Variants in ELAVL2 observed in about 807,000 individuals in gnomAD.
ELAVL2 encodes the protein ELAV like RNA binding protein 2.
Under a neutral mutation model 34.6 loss-of-function variants are expected in ELAVL2, and 4 were observed. The ratio of observed to expected loss-of-function variants is 0.12; its 90% CI spans 0.06 to 0.26. The LOEUF (loss-of-function observed/expected upper bound fraction) is 0.26. ELAVL2 is among the 10% of genes least tolerant of loss of function. The probability of loss-of-function intolerance (pLI) is 1.00; values close to 1 mark genes in which losing one functional copy is unlikely to be tolerated. For missense variants in ELAVL2, 432 were observed against 442.8 expected, an observed-to-expected ratio of 0.98 and a Z score of 0.22; for synonymous variants, 193 against 154.8, an observed-to-expected ratio of 1.25 and a Z score of -1.83.
At chr9:23,807,825 T>G (rs200689001) in intron 1 of ELAVL2, among the ~76,000 whole-genome samples, 1 of 152,192 alleles carries the variant, frequency 6.6e-6, no homozygotes, top group Non-Finnish European at 1.5e-5. Context: ...AAACAAATAC[T>G]GATAATATTT....
chr9:23,804,670 C>CA (rs1030527168), intron 1 of ELAVL2, among the ~76,000 whole-genome samples: 5 of 151,720 alleles, frequency 3.3e-5, no homozygotes, highest in East Asian at 1.9e-4. Context: ...TAGTCACTGC[C>CA]AAAAAAAACT....
intron 1 of ELAVL2, among the ~76,000 whole-genome samples, chr9:23,816,621 T>A (rs1164571847): frequency 1.3e-5 from 2 of 152,178 alleles, no homozygotes; most frequent in African/African-American, 4.8e-5. Context: ...TTTTCAACTG[T>A]ATGGTGATAT....
the ELAVL2 span, among the ~76,000 whole-genome samples, chr9:23,849,259 G>C: frequency 6.6e-6 from 1 of 152,192 alleles, no homozygotes; most frequent in African/African-American, 2.4e-5. Flanking sequence ...GGGATGAATG[G>C]GAAGAGGGAG....
chr9:23,761,133 C>A (rs1490914337), intron 2 of ELAVL2, among the ~76,000 whole-genome samples: 2 of 151,996 alleles, frequency 1.3e-5, no homozygotes, highest in East Asian at 1.9e-4. Context: ...TTCAAATATT[C>A]CATTTTATAT....
intron 3 of ELAVL2, among the ~76,000 whole-genome samples, chr9:23,721,320 A>C (rs2043653326): frequency 1.3e-5 from 2 of 152,094 alleles, no homozygotes; most frequent in African/African-American, 2.4e-5. Flanking sequence ...TCTCTCAATG[A>C]CTCTTTCTAG....
At chr9:23,704,544 A>G (rs2038659702) in intron 4 of ELAVL2, among the ~76,000 whole-genome samples, 1 of 151,904 alleles carries the variant, frequency 6.6e-6, no homozygotes, top group Non-Finnish European at 1.5e-5. Context: ...AACTAGCTGC[A>G]TACCGCTGCA....
At chr9:23,796,270 G>T (rs184269559) in intron 1 of ELAVL2, among the ~76,000 whole-genome samples, 2 of 152,290 alleles carry the variant, frequency 1.3e-5, no homozygotes, top group Admixed American at 6.5e-5. Flanking sequence ...AAATGTGGAA[G>T]CTTATTACAT....
intron 2 of ELAVL2, among the ~76,000 whole-genome samples, chr9:23,753,345 T>C (rs76866460): frequency 0.01 from 1,573 of 152,210 alleles, 33 homozygotes; most frequent in African/African-American, 0.036. Flanking sequence ...TCAACTATTC[T>C]GTTCAGGAAT....
chr9:23,766,246 C>G (rs555192972), intron 1 of ELAVL2, among the ~76,000 whole-genome samples: 1 of 152,270 alleles, frequency 6.6e-6, no homozygotes, highest in South Asian at 2.1e-4. Context: ...ATATTTTACT[C>G]TTCTTCCGTT....
intron 2 of ELAVL2, among the ~76,000 whole-genome samples, chr9:23,748,474 G>T (rs975249610): frequency 2.0e-5 from 3 of 152,086 alleles, no homozygotes; most frequent in Non-Finnish European, 4.4e-5. Flanking sequence ...AAAACTACTT[G>T]GGTTCTTCTT....
chr9:23,797,039 T>A (rs950536343), intron 1 of ELAVL2, among the ~76,000 whole-genome samples: 3 of 152,164 alleles, frequency 2.0e-5, no homozygotes, highest in Admixed American at 6.5e-5. Flanking sequence ...CCAATTTAGC[T>A]AAATGGACAC....
At chr9:23,796,978 G>T (rs2061007656) in intron 1 of ELAVL2, among the ~76,000 whole-genome samples, 1 of 150,828 alleles carries the variant, frequency 6.6e-6, no homozygotes, top group African/African-American at 2.4e-5. Flanking sequence ...AGGGACAATG[G>T]ACTGCAAAGC....
intron 1 of ELAVL2, among the ~76,000 whole-genome samples, chr9:23,825,143 A>T (rs2065218278): frequency 1.3e-5 from 2 of 152,204 alleles, no homozygotes; most frequent in African/African-American, 2.4e-5. Context: ...TTAAAACTGA[A>T]TTATGATAAT....
chr9:23,706,747 T>C lies in ELAVL2; in HGVS notation c.334-1676A>G, dbSNP rs114062226. On this transcript the variant is annotated intron_variant, in intron 3 of 6. Coordinates refer to ENST00000397312, the MANE Select transcript of ELAVL2 (RefSeq NM_004432.5). ...CTTTAATCCAGTTAACAACAAACTT[T>C]CCCAATTTACACTAATACTTAAATA... Among the ~76,000 whole-genome samples the C allele has an allele frequency of 3.7e-3, 564 of 152,306 alleles. 3 individuals are homozygous for C. Among genetic ancestry groups the C allele is most frequent in the African/African-American group, 0.013 (547 of 41,558 alleles).
chr9:23,718,844 G>A (rs2042955755), intron 3 of ELAVL2, among the ~76,000 whole-genome samples: 1 of 152,052 alleles, frequency 6.6e-6, no homozygotes, highest in Non-Finnish European at 1.5e-5. Flanking sequence ...GAACTGATTT[G>A]CAAGACTAAT....
chr9:23,702,964 A>AAAAAAAAC, intron 4 of ELAVL2, among the ~76,000 whole-genome samples: 1 of 141,672 alleles, frequency 7.1e-6, no homozygotes, highest in Non-Finnish European at 1.5e-5. Context: ...AAAAAAAAAA[A>AAAAAAAAC]AAAAAAAAAA....
chr9:23,705,544 T>C (rs530946111), intron 3 of ELAVL2, among the ~76,000 whole-genome samples: 1 of 152,332 alleles, frequency 6.6e-6, no homozygotes, highest in South Asian at 2.1e-4. Context: ...CTGTCTTCTG[T>C]GGGGCCAATC....
chr9:23,701,876 C>T (rs752022915), intron 4 of ELAVL2, among the ~76,000 whole-genome samples: 3 of 152,072 alleles, frequency 2.0e-5, no homozygotes, highest in African/African-American at 2.4e-5. Flanking sequence ...GACAAGAAAA[C>T]ACAAGCATGT....
chr9:23,791,455 T>C (rs567028351), intron 1 of ELAVL2, among the ~76,000 whole-genome samples: 2 of 152,224 alleles, frequency 1.3e-5, no homozygotes, highest in African/African-American at 2.4e-5. Flanking sequence ...AACGTGACTA[T>C]ATTTGAAAAC....
Sources: allele counts gnomAD v4.1 joint callset (sites outside exome capture counted in the v4.1 genomes callset), GRCh38; gene constraint gnomAD v4.1.1; transcripts MANE v1.5; gene names NCBI Gene and HGNC (gene_info 2026-07-23, HGNC 2026-07-21).